UBXN6: variants seen among roughly 807,000 people sequenced by gnomAD.
UBXN6 encodes the protein UBX domain-containing protein 6.
UBXN6 carries 44 observed loss-of-function variants against 51.4 expected under a neutral mutation model. The ratio of observed to expected loss-of-function variants is 0.86; its 90% confidence interval spans 0.67 to 1.10. The LOEUF is 1.10. UBXN6 is among the 50% of genes least tolerant of loss of function. UBXN6 has a pLI of 0.00. For missense variants in UBXN6, 672 were observed against 596.1 expected (o/e 1.13, Z -1.32); for synonymous variants, 316 against 263.2 (o/e 1.20, Z -1.94).
In UBXN6 at chr19:4,448,430, G is replaced by A. The variant is rs946058729; in HGVS notation, c.442-15C>T. On this transcript the variant is annotated splice_polypyrimidine_tract_variant and intron_variant, in intron 4 of 10. Coordinates refer to ENST00000301281, the MANE Select transcript of UBXN6 (RefSeq NM_025241.3). ...GTGGAGAAGTGCTGGGAGGAGGGAAGCAGGGAAAGCCACTCACTGAGAGCC... is the reference window on the plus strand; with the variant it reads ...GTGGAGAAGTGCTGGGAGGAGGGAAACAGGGAAAGCCACTCACTGAGAGCC... 3.8e-6 allele frequency: 6 copies of A among 1,593,444 alleles called. No individual in the cohort carries two copies. In the Admixed American group the frequency reaches 1.0e-4, roughly 28 times the overall value.
rs757823932 is a variant in UBXN6 at position 4,446,826 on chromosome 19, G to A, written c.700+10C>T. The stretch of plus-strand genomic sequence containing the variant: ...CCCATTCCCTACTCAGCCAGGCCCT[G>A]TCCACTTACCCTGATCCTGGGCGGG... On this transcript the variant is annotated intron_variant, in intron 7 of 10. Transcript: ENST00000301281. 1.2e-6 allele frequency: 2 copies of A among 1,614,028 alleles called. No homozygotes were observed. The highest frequency in any genetic ancestry group is 1.7e-6 in the Non-Finnish European group (2 of 1,180,014).
At chr19:4,457,002 C>T (rs113246379) in intron 1 of UBXN6, among the ~76,000 whole-genome samples, 1,993 of 152,188 alleles carry the variant, frequency 0.013, 22 homozygotes, top group Middle Eastern at 0.024. Context: ...CTCCCATCAG[C>T]CTCCCACGTG....
In UBXN6 at chr19:4,448,180, T is replaced by C. The variant is rs1974577921; in HGVS notation, c.539+138A>G. ...TTTGCCTGAGGCCTCTGGGTGGAGC[T>C]GCCTCACTCTCGGCCTATGCTCCTT... On this transcript the variant is annotated intron_variant, in intron 5 of 10. Transcript: ENST00000301281. 4.1e-6 allele frequency: 3 copies of C among 738,088 alleles called. No individual in the cohort carries two copies. In the South Asian group the frequency reaches 5.2e-5, roughly 13 times the overall value. 45.7% of individuals were successfully genotyped at this position (738,088 alleles called of 1,614,324 possible).
chr19:4,454,224 A>G, intron 1 of UBXN6, 131 bp from the exon 2 acceptor site: 2 of 1,065,548 alleles, frequency 1.9e-6, no homozygotes, highest in Non-Finnish European at 2.6e-6. Flanking sequence ...TATGTGGGCC[A>G]GGACACCTGG....
intron 1 of UBXN6, among the ~76,000 whole-genome samples, chr19:4,456,832 C>T (rs1352679277): frequency 6.6e-6 from 1 of 152,144 alleles, no homozygotes; most frequent in Non-Finnish European, 1.5e-5. Flanking sequence ...GTCTTCTCCT[C>T]TCAGGCCCCT....
rs182866566 is a variant in UBXN6 at position 4,451,291 on chromosome 19, C to A, written c.441+1073G>T. On this transcript the variant is annotated intron_variant, in intron 4 of 10. Transcript: ENST00000301281. ...AGGCTGGTCTTGGAACTTCTGACCT[C>A]AGGTGATCCACCTGCCTCAGCCTCC... Among the ~76,000 whole-genome samples, 232 of 152,320 alleles carry A rather than the reference C, an allele frequency of 1.5e-3. 2 individuals are homozygous for A. The highest frequency in any genetic ancestry group is 5.2e-3 in the African/African-American group (216 of 41,578).
intron 6 of UBXN6, 112 bp downstream of exon 6, chr19:4,447,438 T>C: frequency 8.4e-7 from 1 of 1,190,238 alleles, no homozygotes; most frequent in Non-Finnish European, 1.2e-6. Flanking sequence ...GTGGCTCAAC[T>C]CTCGCTAGCT....
intron 1 of UBXN6, among the ~76,000 whole-genome samples, chr19:4,456,235 G>GTTGAATCAA (rs1974738059): frequency 6.8e-6 from 1 of 146,514 alleles, no homozygotes; most frequent in South Asian, 2.2e-4. Context: ...CCCACTATTG[G>GTTGAATCAA]TTGAATCAAT....
At position 4,452,469 on chromosome 19, in the gene UBXN6, G is replaced by C; in HGVS notation, c.336C>G (p.Gly112=). 2.5e-6 allele frequency: 4 copies of C among 1,611,588 alleles called. No individual in the cohort carries two copies. The highest frequency in any genetic ancestry group is 3.4e-6 in the Non-Finnish European group (4 of 1,179,810). The stretch of plus-strand genomic sequence containing the variant: ...CGCCAGGCACAGCCAGGTGGGCAGA[G>C]CCTTCCTCTCTGGGCTCAGATACCT... ...TNVVSEPREE[G]SAHLAVPGVY... is the part of the protein sequence containing the mutation. Residue 112 remains glycine, a synonymous_variant, in exon 4 of 11, where the codon GGC becomes GGG. Transcript: ENST00000301281.
In UBXN6 at chr19:4,445,253, G is replaced by A. The variant is rs558865532; in HGVS notation, c.*245C>T. On this transcript the variant is annotated 3_prime_UTR_variant, in exon 11 of 11. Coordinates refer to ENST00000301281, the MANE Select transcript of UBXN6 (RefSeq NM_025241.3). ...ACACAGTTACCAAGCAGCTAGGGAGGGCTTAGATTTGTTGGTGTCCCCAGG... is the reference window on the plus strand; with the variant it reads ...ACACAGTTACCAAGCAGCTAGGGAGAGCTTAGATTTGTTGGTGTCCCCAGG... 5 of 532,696 alleles carry A rather than the reference G, an allele frequency of 9.4e-6. No homozygotes were observed. The highest frequency in any genetic ancestry group is 1.9e-5 in the African/African-American group (1 of 52,076). 33.0% of individuals were successfully genotyped at this position (532,696 alleles called of 1,614,324 possible). A position where few individuals can be genotyped will look rare whatever the true frequency, so the allele number is the denominator to read the frequency against.
rs775285745 is a variant in UBXN6 at position 4,445,495 on chromosome 19, A to C, written c.*3T>G. 2 of 1,613,724 alleles carry C rather than the reference A, an allele frequency of 1.2e-6. No homozygotes were observed. The highest frequency in any genetic ancestry group is 1.7e-6 in the Non-Finnish European group (2 of 1,179,950). ...CAGGGCTGAGGCCAACCCTGCTTTT[A>C]TTTCACAAGAGCTTCTCGATGGCTG... On this transcript the variant is annotated 3_prime_UTR_variant, in exon 11 of 11. Coordinates refer to ENST00000301281, the MANE Select transcript of UBXN6 (RefSeq NM_025241.3).
At chr19:4,457,415 C>A (rs1450879487) in intron 1 of UBXN6, among the ~76,000 whole-genome samples, 200 bp downstream of exon 1, 3 of 128,540 alleles carry the variant, frequency 2.3e-5, no homozygotes, top group African/African-American at 9.0e-5. Context: ...GCCCCGCCCC[C>A]AGATCTCTCT....
chr19:4,447,205 C>G, intron 6 of UBXN6: 1 of 579,988 alleles, frequency 1.7e-6, no homozygotes, highest in Non-Finnish European at 3.1e-6. Context: ...CTAACACCGC[C>G]CAGGACCCCA....
Position 4,448,406 on chromosome 19 carries a change from T to C in UBXN6, c.451A>G (p.Thr151Ala), listed in dbSNP as rs747520058. 20 of 1,606,328 alleles carry C rather than the reference T, an allele frequency of 1.2e-5. No individual in the cohort carries two copies. The highest frequency in any genetic ancestry group is 1.6e-5 in the Non-Finnish European group (19 of 1,177,264). ...IKEAILLHFSTDPVAASIMKI... is the reference protein window; with the variant it reads ...IKEAILLHFSADPVAASIMKI... ...ATGATGGAGGCGGCCACTGGGTCGG[T>C]GGAGAAGTGCTGGGAGGAGGGAAGC... Residue 151 changes from threonine to alanine, a missense_variant, in exon 5 of 11, where the codon ACC becomes GCC. By Grantham distance (58) the Thr-to-Ala change is moderately conservative. Transcript: ENST00000301281.
chr19:4,454,500 G>A (rs186928207), intron 1 of UBXN6, among the ~76,000 whole-genome samples: 1 of 152,232 alleles, frequency 6.6e-6, no homozygotes, highest in African/African-American at 2.4e-5. Flanking sequence ...ATGGCTTACT[G>A]CAATCCTGAG....
chr19:4,447,618 C>G lies in UBXN6; in HGVS notation c.547G>C (p.Asp183His). 6.2e-7 allele frequency: 1 copy of G among 1,613,878 alleles called. No individual in the cohort carries two copies. Among genetic ancestry groups the G allele is most frequent in the East Asian group, 2.2e-5 (1 of 44,862 alleles). Residue 183 changes from aspartate (D) to histidine (H), a missense_variant, in exon 6 of 11, where the codon GAC (aspartate) becomes CAC (histidine). Transcript: ENST00000301281. Reference protein sequence around the residue: ...LGVDTIAKYLDNIHLHPEEEK... With the variant: ...LGVDTIAKYLHNIHLHPEEEK... ...TCCTCGGGGTGCAGGTGGATGTTGTCCAGGTACCTGGGGTAGGTGGAGAAG... is the reference window on the plus strand; with the variant it reads ...TCCTCGGGGTGCAGGTGGATGTTGTGCAGGTACCTGGGGTAGGTGGAGAAG...
chr19:4,455,927 G>A (rs1166006019), intron 1 of UBXN6, among the ~76,000 whole-genome samples: 2 of 152,012 alleles, frequency 1.3e-5, no homozygotes, highest in Admixed American at 6.6e-5. Flanking sequence ...TCGCCTGAGC[G>A]CTCATCCAAG....
At chr19:4,457,808 A>T (rs954279106), upstream of UBXN6, 41 of 586,452 alleles carry the variant, frequency 7.0e-5, no homozygotes, top group African/African-American at 2.9e-4. Context: ...AAAAAAAAAA[A>T]AAAAAAAAAA....
chr19:4,448,885 C>G (rs750716593), intron 4 of UBXN6: 7 of 167,006 alleles, frequency 4.2e-5, no homozygotes, highest in Non-Finnish European at 7.9e-5. Flanking sequence ...GCCCATCGTC[C>G]AGGGTCACAG....
Sources: allele counts gnomAD v4.1 joint callset (sites outside exome capture counted in the v4.1 genomes callset), GRCh38; gene constraint gnomAD v4.1.1; transcripts MANE v1.5; gene names NCBI Gene and HGNC (gene_info 2026-07-23, HGNC 2026-07-21).